The following PLEKHM3 variants were observed in gnomAD, a reference collection of about 807,000 sequenced individuals.
The protein encoded by PLEKHM3 is pleckstrin homology domain containing M3, also known as pleckstrin homology domain-containing family M member 3.
PLEKHM3 carries 45 observed loss-of-function variants against 81.8 expected under a neutral mutation model. That is an observed-to-expected ratio of 0.55 (90% confidence interval 0.43 to 0.71). PLEKHM3 has a LOEUF of 0.71. PLEKHM3 is among the 30% of genes least tolerant of loss of function. The pLI, the probability that PLEKHM3 is intolerant of heterozygous loss-of-function variation, is 0.00. For missense variants in PLEKHM3, 788 were observed against 924.3 expected (o/e 0.85, Z 1.91); for synonymous variants, 352 against 356.4 (o/e 0.99, Z 0.14).
intron 6 of PLEKHM3, among the ~76,000 whole-genome samples, chr2:207,864,322 A>G (rs1408353863): frequency 6.6e-6 from 1 of 152,178 alleles, no homozygotes; most frequent in African/African-American, 2.4e-5. Flanking sequence ...AACACATGAG[A>G]TATACTTTCT....
chr2:207,885,090 A>G (rs1047905807), intron 6 of PLEKHM3, among the ~76,000 whole-genome samples: 7 of 152,222 alleles, frequency 4.6e-5, no homozygotes, highest in African/African-American at 1.4e-4. Flanking sequence ...AGAGTTAGTA[A>G]AATAAAAGCT....
Position 207,822,389 on chromosome 2 carries a change from C to G in PLEKHM3, c.*5930G>C, listed in dbSNP as rs933887411. The G allele has an allele frequency of 6.6e-6, 1 of 152,646 alleles. No homozygotes were observed. The highest frequency in any genetic ancestry group is 2.4e-5 in the African/African-American group (1 of 41,448). The allele number at this position is 152,646 out of a possible 1,614,324, so 9.5% of individuals were successfully genotyped here. ...GCTAAGTTCACTGACTTTACAGATTCAATTATGGATGGCTGGTTTTTATTT... is the reference window on the plus strand; with the variant it reads ...GCTAAGTTCACTGACTTTACAGATTGAATTATGGATGGCTGGTTTTTATTT... On this transcript the variant is annotated 3_prime_UTR_variant, in exon 8 of 8. Transcript: ENST00000427836.
chr2:207,899,078 CA>C (rs1688336209), intron 6 of PLEKHM3, among the ~76,000 whole-genome samples: 1 of 152,088 alleles, frequency 6.6e-6, no homozygotes, highest in Non-Finnish European at 1.5e-5. Context: ...CTGCAAGTTC[CA>C]AATATGGAGG....
intron 5 of PLEKHM3, among the ~76,000 whole-genome samples, chr2:207,920,864 A>G (rs1369620189): frequency 2.6e-5 from 4 of 152,138 alleles, no homozygotes; most frequent in African/African-American, 9.7e-5. Flanking sequence ...CACTAACCCA[A>G]TTGTCATGCC....
chr2:207,947,639 T>C (rs1690178245), intron 3 of PLEKHM3, among the ~76,000 whole-genome samples: 1 of 145,494 alleles, frequency 6.9e-6, no homozygotes, highest in East Asian at 2.0e-4. Flanking sequence ...AAGAACTATA[T>C]GGATCAAAGA....
chr2:207,956,610 A>G (rs1690517956), intron 3 of PLEKHM3, among the ~76,000 whole-genome samples: 1 of 151,902 alleles, frequency 6.6e-6, no homozygotes, highest in Admixed American at 6.6e-5. Flanking sequence ...CAGTAGTACA[A>G]TCATGGCTCA....
At chr2:207,946,048 T>C (rs956736757) in intron 4 of PLEKHM3, among the ~76,000 whole-genome samples, 13 of 152,336 alleles carry the variant, frequency 8.5e-5, no homozygotes, top group African/African-American at 3.1e-4. Flanking sequence ...CATTTTTATC[T>C]TCCCATAGTG....
intron 6 of PLEKHM3, chr2:207,900,814 T>C (rs1688396738): frequency 6.4e-6 from 1 of 156,302 alleles, no homozygotes; most frequent in African/African-American, 2.4e-5. Context: ...ATGATGGCTG[T>C]TGGTGGCATA....
intron 4 of PLEKHM3, among the ~76,000 whole-genome samples, chr2:207,932,613 C>T (rs1185890564): frequency 6.6e-6 from 1 of 152,098 alleles, no homozygotes; most frequent in African/African-American, 2.4e-5. Context: ...TAGTATGAGA[C>T]AAGTATTTAA....
intron 6 of PLEKHM3, among the ~76,000 whole-genome samples, chr2:207,882,755 TG>T (rs1687740006): frequency 6.6e-6 from 1 of 152,220 alleles, no homozygotes; most frequent in Non-Finnish European, 1.5e-5. Context: ...TCTAAGTACC[TG>T]TTATACAAGC....
chr2:207,851,518 ACCTGAGGTTAGGAGTTTGACACCAG>A (rs1401515393), intron 7 of PLEKHM3: 1 of 152,168 alleles, frequency 6.6e-6, no homozygotes, highest in Non-Finnish European at 1.5e-5. Flanking sequence ...GGGGAGGATC[ACCTGAGGTTAGGAGTTTGACACCAG>A]CCTGGCCAAC....
At chr2:207,981,718 T>C (rs969873815) in intron 2 of PLEKHM3, among the ~76,000 whole-genome samples, 3 of 152,224 alleles carry the variant, frequency 2.0e-5, no homozygotes, top group Non-Finnish European at 4.4e-5. Flanking sequence ...TTTTCATTAA[T>C]TTACCATAGT....
At chr2:207,915,412 C>T (rs1688954441) in intron 5 of PLEKHM3, among the ~76,000 whole-genome samples, 1 of 152,096 alleles carries the variant, frequency 6.6e-6, no homozygotes, top group Non-Finnish European at 1.5e-5. Flanking sequence ...TTTAACTTGA[C>T]TAATTCCTGA....
At chr2:207,963,268 G>A (rs1045357451) in intron 3 of PLEKHM3, among the ~76,000 whole-genome samples, 1 of 152,222 alleles carries the variant, frequency 6.6e-6, no homozygotes, top group African/African-American at 2.4e-5. Context: ...TGAGCAGAAA[G>A]TGGTGCATCT....
intron 1 of PLEKHM3, among the ~76,000 whole-genome samples, chr2:208,015,936 G>A (rs565919137): frequency 3.3e-5 from 5 of 152,224 alleles, no homozygotes; most frequent in Admixed American, 1.3e-4. Context: ...GCTCATGCCC[G>A]TAATCCCAGC....
chr2:207,919,784 A>G (rs1689120661), intron 5 of PLEKHM3, among the ~76,000 whole-genome samples: 1 of 152,236 alleles, frequency 6.6e-6, no homozygotes, highest in Non-Finnish European at 1.5e-5. Flanking sequence ...ACTCAGCCTC[A>G]GCTACAGTGA....
intron 2 of PLEKHM3, among the ~76,000 whole-genome samples, chr2:207,997,007 CA>C (rs10654114): frequency 3.5e-4 from 51 of 146,024 alleles, no homozygotes; most frequent in South Asian, 1.3e-3. Flanking sequence ...ACTTTATGTC[CA>C]AAAAAAAAAA....
intron 1 of PLEKHM3, among the ~76,000 whole-genome samples, chr2:208,010,929 G>A (rs1692667438): frequency 6.6e-6 from 1 of 151,958 alleles, no homozygotes; most frequent in Non-Finnish European, 1.5e-5. Context: ...GCATGGTTTA[G>A]AATAAAGTTT....
At chr2:207,917,333 A>G (rs1689025107) in intron 5 of PLEKHM3, among the ~76,000 whole-genome samples, 1 of 152,236 alleles carries the variant, frequency 6.6e-6, no homozygotes, top group African/African-American at 2.4e-5. Context: ...AGTGAGCTTA[A>G]AGAAGTGTTA....
Sources: gnomAD v4.1 joint callset for allele counts (sites outside exome capture counted in the v4.1 genomes callset) on GRCh38, gnomAD v4.1.1 for gene constraint, MANE v1.5 for transcripts, NCBI Gene and HGNC (gene_info 2026-07-23, HGNC 2026-07-21) for gene names.